Variants in ECM2 observed in about 807,000 individuals in gnomAD.
The protein encoded by ECM2 is extracellular matrix protein 2, female organ and adipocyte specific.
Under a neutral mutation model 67.5 loss-of-function variants are expected in ECM2, and 57 were observed. That is an observed-to-expected ratio of 0.84 (90% CI 0.68 to 1.05). The LOEUF is 1.05. Ranked by LOEUF, ECM2 falls within the 50% of genes least tolerant of loss-of-function variation. The probability of loss-of-function intolerance (pLI) is 0.00; values close to 1 mark genes in which losing one functional copy is unlikely to be tolerated. For synonymous variants in ECM2, 258 were observed against 294.5 expected (o/e 0.88, Z 1.27); for missense variants, 741 against 822.8 (o/e 0.90, Z 1.22).
In ECM2 at chr9:92,512,177, TAC is replaced by T. The variant is rs537279656; in HGVS notation, c.1055-53_1055-52del. 1.4e-4 allele frequency: 173 copies of T among 1,248,726 alleles called. 2 individuals carry two copies. The South Asian group carries it at 2.1e-3, about 15-fold the overall frequency. 77.4% of individuals were successfully genotyped at this position (1,248,726 alleles called of 1,614,324 possible). A position where few individuals can be genotyped will look rare whatever the true frequency, so the allele number is the denominator to read the frequency against. On this transcript the variant is annotated intron_variant, in intron 4 of 9. Coordinates refer to ENST00000344604, the MANE Select transcript of ECM2 (RefSeq NM_001393.4). The stretch of plus-strand genomic sequence containing the variant: ...AGGCATGTGTGCATATACATACATG[TAC>T]ACACATGTATGGGCATGTGTGCATA...
chr9:92,493,752 C>G (rs978272943), downstream of ECM2: 3 of 169,824 alleles, frequency 1.8e-5, no homozygotes, highest in Non-Finnish European at 2.5e-5. Context: ...GAACAAGTTC[C>G]ATGCTAGCCA....
upstream of ECM2, among the ~76,000 whole-genome samples, chr9:92,538,813 G>C (rs910192836): frequency 1.3e-5 from 2 of 152,188 alleles, no homozygotes; most frequent in African/African-American, 4.8e-5. Context: ...TGAGCAGAGT[G>C]AGCATTACCC....
chr9:92,558,979 C>T, the ECM2 span, among the ~76,000 whole-genome samples: 4 of 152,142 alleles, frequency 2.6e-5, no homozygotes, highest in Non-Finnish European at 5.9e-5. Flanking sequence ...GCAGTTCCCC[C>T]GCCACCCAAC....
At chr9:92,510,505 CTAAT>C (rs1380566769) in intron 5 of ECM2, among the ~76,000 whole-genome samples, 24 of 152,306 alleles carry the variant, frequency 1.6e-4, no homozygotes, top group South Asian at 4.1e-4. Flanking sequence ...TAAAATAACA[CTAAT>C]TACTGTGGAA....
the ECM2 span, among the ~76,000 whole-genome samples, chr9:92,549,403 T>TTC: frequency 6.6e-6 from 1 of 152,106 alleles, no homozygotes; most frequent in Non-Finnish European, 1.5e-5. Context: ...TTCCAGCACT[T>TTC]TGGGAGGCCG....
chr9:92,544,712 ATTTT>A, the ECM2 span, among the ~76,000 whole-genome samples: 15,075 of 132,410 alleles, frequency 0.11, 847 homozygotes, highest in Middle Eastern at 0.14. Context: ...ATCACTATAA[ATTTT>A]TTTTTTTTTT....
the ECM2 span, among the ~76,000 whole-genome samples, chr9:92,545,032 C>G: frequency 6.6e-6 from 1 of 152,194 alleles, no homozygotes; most frequent in Non-Finnish European, 1.5e-5. Flanking sequence ...CTTACAAATT[C>G]TTAAAGCATT....
At chr9:92,533,171 G>A (rs1008478507) in intron 1 of ECM2, among the ~76,000 whole-genome samples, 17 of 150,226 alleles carry the variant, frequency 1.1e-4, no homozygotes, top group African/African-American at 3.7e-4. Flanking sequence ...GTGGTGGCAC[G>A]CGCGTGTAGT....
chr9:92,505,609 A>G lies in ECM2; in HGVS notation c.1388T>C (p.Leu463Ser), dbSNP rs753768303. ...ANVNPLAFKP[L>S]KSLAYLRLGK... The stretch of plus-strand genomic sequence containing the variant: ...CAGACGCAAGTAGGCTAGGCTCTTC[A>G]AAGGTTTGAAAGCTAAAGGATTGAC... The change falls in exon 7 of 10, where the codon TTG (leucine) becomes TCG (serine). Residue 463 changes from leucine (L) to serine (S), a missense_variant. Coordinates refer to ENST00000344604, the MANE Select transcript of ECM2 (RefSeq NM_001393.4). The G allele has an allele frequency of 4.3e-6, 7 of 1,611,424 alleles. No individual in the cohort carries two copies. The South Asian group carries it at 7.8e-5, about 18-fold the overall frequency.
chr9:92,494,254 C>T, downstream of ECM2: 1 of 1,093,210 alleles, frequency 9.1e-7, no homozygotes, highest in Non-Finnish European at 1.3e-6. Context: ...CAGTTTGAGC[C>T]CCCTTTAATA....
At chr9:92,494,225 TCTG>T, downstream of ECM2, 2 of 1,471,956 alleles carry the variant, frequency 1.4e-6, no homozygotes, top group South Asian at 2.4e-5. Context: ...AGATGCTAGT[TCTG>T]CTGACTCACC....
At chr9:92,550,938 C>G in the ECM2 span, among the ~76,000 whole-genome samples, 1 of 152,154 alleles carries the variant, frequency 6.6e-6, no homozygotes, top group Non-Finnish European at 1.5e-5. Flanking sequence ...TTCCCCAGCT[C>G]CATATGAGCA....
At chr9:92,523,938 C>T (rs926710506) in intron 1 of ECM2, among the ~76,000 whole-genome samples, 1 of 152,202 alleles carries the variant, frequency 6.6e-6, no homozygotes, top group African/African-American at 2.4e-5. Flanking sequence ...TGCAGGCACT[C>T]CATAAGCCTT....
intron 6 of ECM2, among the ~76,000 whole-genome samples, chr9:92,507,088 T>C (rs1847053317): frequency 6.6e-6 from 1 of 151,944 alleles, no homozygotes; most frequent in Non-Finnish European, 1.5e-5. Flanking sequence ...TGGGAGGGCC[T>C]TTGCACCCTG....
At chr9:92,497,394 G>T (rs907783504) in intron 9 of ECM2, among the ~76,000 whole-genome samples, 1 of 152,148 alleles carries the variant, frequency 6.6e-6, no homozygotes, top group Non-Finnish European at 1.5e-5. Context: ...GGAGGCCAAG[G>T]TGGGTGGATC....
the ECM2 span, among the ~76,000 whole-genome samples, chr9:92,544,586 T>G: frequency 6.6e-6 from 1 of 152,188 alleles, no homozygotes; most frequent in African/African-American, 2.4e-5. Context: ...TTGTCAAATA[T>G]TCTACATTCC....
upstream of ECM2, among the ~76,000 whole-genome samples, chr9:92,538,083 C>T (rs1421375762): frequency 6.6e-6 from 1 of 152,150 alleles, no homozygotes; most frequent in Non-Finnish European, 1.5e-5. Flanking sequence ...CATTTCACCT[C>T]TAGGAACCCA....
Position 92,500,732 on chromosome 9 carries a change from C to T in ECM2, c.1926G>A (p.Lys642=). Residue 642 remains lysine (K), a synonymous_variant, in exon 9 of 10, where the codon AAG becomes AAA. Transcript: ENST00000344604. ...TTGAAAAAGCCAAAATTTACCGTAT[C>T]TTGTTGTTGTTCAGCCTCAGAAAAT... ...ALHFLRLNNN[K]IRNILPEEIC... is the part of the protein sequence containing the mutation. 1.2e-6 allele frequency: 2 copies of T among 1,608,066 alleles called. No individual in the cohort carries two copies. Among genetic ancestry groups the T allele is most frequent in the Non-Finnish European group, 1.7e-6 (2 of 1,175,654 alleles).
chr9:92,542,903 A>T, the ECM2 span, among the ~76,000 whole-genome samples: 1 of 152,228 alleles, frequency 6.6e-6, no homozygotes, highest in Admixed American at 6.5e-5. Flanking sequence ...ATGGTGTCAG[A>T]TAAGGATCTA....
Sources: allele counts gnomAD v4.1 joint callset (sites outside exome capture counted in the v4.1 genomes callset), GRCh38; gene constraint gnomAD v4.1.1; transcripts MANE v1.5; gene names NCBI Gene and HGNC (gene_info 2026-07-23, HGNC 2026-07-21).